The following PAPSS1 variants were observed in gnomAD, a reference collection of about 807,000 sequenced individuals.
The protein encoded by PAPSS1 is bifunctional 3'-phosphoadenosine 5'-phosphosulfate synthase 1.
Under a neutral mutation model 72.0 loss-of-function variants are expected in PAPSS1, and 50 were observed. The ratio of observed to expected loss-of-function variants is 0.69; its 90% confidence interval spans 0.55 to 0.88. The LOEUF (loss-of-function observed/expected upper bound fraction) is 0.88, where lower values mean the gene tolerates loss of function less well. PAPSS1 is among the 40% of genes least tolerant of loss of function. The probability of loss-of-function intolerance (pLI) is 0.00; values close to 1 mark genes in which losing one functional copy is unlikely to be tolerated. For missense variants in PAPSS1, 657 were observed against 782.2 expected, an observed-to-expected ratio of 0.84 and a Z score of 1.91; for synonymous variants, 261 against 263.6, an observed-to-expected ratio of 0.99 and a Z score of 0.09.
chr4:107,625,483 C>G (rs1167571907), intron 11 of PAPSS1, among the ~76,000 whole-genome samples: 4 of 152,124 alleles, frequency 2.6e-5, no homozygotes, highest in African/African-American at 9.7e-5. Flanking sequence ...TAGGAGCAGA[C>G]AGCAATGCTC....
intron 1 of PAPSS1, among the ~76,000 whole-genome samples, chr4:107,713,569 C>T (rs1723554504): frequency 6.6e-6 from 1 of 151,954 alleles, no homozygotes; most frequent in African/African-American, 2.4e-5. Context: ...ACCATCCTGA[C>T]CAACATGGTA....
At chr4:107,685,068 C>A (rs971823165) in intron 4 of PAPSS1, among the ~76,000 whole-genome samples, 1 of 152,126 alleles carries the variant, frequency 6.6e-6, no homozygotes, top group Admixed American at 6.5e-5. Context: ...ACCATGCTGA[C>A]TAATTTTTTG....
At chr4:107,711,702 C>T (rs894339205) in intron 1 of PAPSS1, among the ~76,000 whole-genome samples, 3 of 151,972 alleles carry the variant, frequency 2.0e-5, no homozygotes, top group Admixed American at 6.5e-5. Context: ...CTGTAGAGAT[C>T]GTAACAATAT....
At chr4:107,681,961 T>C in intron 5 of PAPSS1, 54 bp downstream of exon 5, 1 of 878,846 alleles carries the variant, frequency 1.1e-6, no homozygotes, top group Non-Finnish European at 1.8e-6. Flanking sequence ...AGGGGAAAGA[T>C]TATGAGAGAG....
chr4:107,625,127 G>T (rs1198818412), intron 11 of PAPSS1, among the ~76,000 whole-genome samples: 3 of 152,174 alleles, frequency 2.0e-5, no homozygotes, highest in East Asian at 3.8e-4. Flanking sequence ...GGCTGAAGAA[G>T]AAATAAATTT....
At chr4:107,710,342 G>C (rs184734819) in intron 1 of PAPSS1, among the ~76,000 whole-genome samples, 63 of 152,250 alleles carry the variant, frequency 4.1e-4, no homozygotes, top group Middle Eastern at 3.4e-3. Flanking sequence ...ATCTGGCTCA[G>C]TGTAAGTATG....
intron 4 of PAPSS1, among the ~76,000 whole-genome samples, 166 bp from the exon 5 acceptor site, chr4:107,682,299 T>C (rs1051647094): frequency 2.0e-5 from 3 of 152,212 alleles, no homozygotes; most frequent in Non-Finnish European, 4.4e-5. Context: ...ATTAAACTTT[T>C]TTTTTTCCTG....
At chr4:107,696,254 C>A (rs1723059725) in intron 2 of PAPSS1, among the ~76,000 whole-genome samples, 1 of 152,142 alleles carries the variant, frequency 6.6e-6, no homozygotes, top group South Asian at 2.1e-4. Context: ...AATCATTCTA[C>A]TATAAAGATA....
chr4:107,692,756 C>A (rs113071747), intron 3 of PAPSS1, among the ~76,000 whole-genome samples: 7 of 151,068 alleles, frequency 4.6e-5, no homozygotes, highest in South Asian at 2.1e-4. Flanking sequence ...CAACGATAGA[C>A]TGGATAAAGA....
At chr4:107,687,273 TG>T in intron 3 of PAPSS1, 96 bp from the exon 4 acceptor site, 1 of 867,622 alleles carries the variant, frequency 1.2e-6, no homozygotes, top group Non-Finnish European at 1.6e-6. Flanking sequence ...TCCAATTTAG[TG>T]GGAAATAGAC....
At chr4:107,678,077 C>T (rs897009399) in intron 5 of PAPSS1, among the ~76,000 whole-genome samples, 1 of 151,880 alleles carries the variant, frequency 6.6e-6, no homozygotes, top group Admixed American at 6.6e-5. Context: ...AGGAGATACA[C>T]CTAATGTTAA....
intron 11 of PAPSS1, among the ~76,000 whole-genome samples, chr4:107,621,789 T>G (rs1320886795): frequency 1.3e-5 from 2 of 148,208 alleles, no homozygotes; most frequent in East Asian, 3.9e-4. Context: ...CCTGGCTAAT[T>G]TTTTTTTTGT....
intron 5 of PAPSS1, among the ~76,000 whole-genome samples, chr4:107,661,798 A>G (rs1727188995): frequency 6.6e-6 from 1 of 152,228 alleles, no homozygotes; most frequent in South Asian, 2.1e-4. Flanking sequence ...GTCTTACATG[A>G]CATGTTCAGT....
intron 11 of PAPSS1, among the ~76,000 whole-genome samples, chr4:107,627,748 T>A (rs193049800): frequency 6.6e-6 from 1 of 152,196 alleles, no homozygotes; most frequent in South Asian, 2.1e-4. Flanking sequence ...AAAAAAATTT[T>A]AAGGCATCCT....
At chr4:107,711,004 T>C (rs1423262173) in intron 1 of PAPSS1, among the ~76,000 whole-genome samples, 2 of 152,226 alleles carry the variant, frequency 1.3e-5, no homozygotes, top group Admixed American at 6.5e-5. Context: ...CCTCGACCTA[T>C]CCTTGACCAA....
At chr4:107,653,719 T>C in intron 8 of PAPSS1, 93 bp from the exon 9 acceptor site, 4 of 920,756 alleles carry the variant, frequency 4.3e-6, no homozygotes, top group Admixed American at 6.2e-5. Flanking sequence ...CGTTGTAAGC[T>C]ACTCTCATCT....
At position 107,656,669 on chromosome 4, in the gene PAPSS1, A is replaced by C. The variant is rs189344863; in HGVS notation, c.895+227T>G. Among the ~76,000 whole-genome samples the C allele has an allele frequency of 6.6e-5, 10 of 152,288 alleles. No homozygotes were observed. The East Asian group carries it at 1.4e-3, about 21-fold the overall frequency. Reference sequence around the variant, plus strand: ...CAATCCATCCTCAGCCCTGATTCCCAGATTTTCCCTCTCTCTTTGCAATAA... The same window carrying C: ...CAATCCATCCTCAGCCCTGATTCCCCGATTTTCCCTCTCTCTTTGCAATAA... On this transcript the variant is annotated intron_variant, in intron 7 of 11. Coordinates refer to ENST00000265174, the MANE Select transcript of PAPSS1 (RefSeq NM_005443.5).
chr4:107,699,006 G>T (rs958697075), intron 2 of PAPSS1, among the ~76,000 whole-genome samples: 2 of 152,044 alleles, frequency 1.3e-5, no homozygotes, highest in African/African-American at 4.8e-5. Context: ...GGCATAGGGT[G>T]GGGGCAAGGT....
chr4:107,698,433 A>T lies in PAPSS1; in HGVS notation c.175+2738T>A, dbSNP rs187428794. 1.7e-4 allele frequency among the ~76,000 whole-genome samples: 26 copies of T among 152,268 alleles called. No individual in the cohort carries two copies. The East Asian group carries it at 3.5e-3, about 20-fold the overall frequency. ...TCAAATACACGTTTATGAAAACTAC[A>T]AGTTTTCCAGGTCCACATGGGAGGA... On this transcript the variant is annotated intron_variant, in intron 2 of 11. Coordinates refer to ENST00000265174, the MANE Select transcript of PAPSS1 (RefSeq NM_005443.5).
Sources: gnomAD v4.1 joint callset for allele counts (sites outside exome capture counted in the v4.1 genomes callset) on GRCh38, gnomAD v4.1.1 for gene constraint, MANE v1.5 for transcripts, NCBI Gene and HGNC (gene_info 2026-07-23, HGNC 2026-07-21) for gene names.